The following FIZ1 variants were observed in gnomAD, a reference collection of about 807,000 sequenced individuals.
The protein encoded by FIZ1 is flt3-interacting zinc finger protein 1.
A neutral mutation model predicts 5.3 loss-of-function variants in FIZ1; 2 were observed. The observed-to-expected ratio is 0.37, with a 90% CI of 0.15 to 1.18. The LOEUF is 1.18. FIZ1 is among the 50% of genes most tolerant of loss of function. The pLI is 0.37. For missense variants in FIZ1, 631 were observed against 749.7 expected, an observed-to-expected ratio of 0.84 and a Z score of 1.85; for synonymous variants, 407 against 364.2, an observed-to-expected ratio of 1.12 and a Z score of -1.34.
At chr19:55,597,118 C>T (rs1306576982) in intron 2 of FIZ1, among the ~76,000 whole-genome samples, 1 of 152,214 alleles carries the variant, frequency 6.6e-6, no homozygotes, top group Non-Finnish European at 1.5e-5. Flanking sequence ...TTGCTTTTGC[C>T]TTGGCAACAC....
Position 55,597,569 on chromosome 19 carries a change from C to A in FIZ1, c.294+3G>T. 6.2e-7 allele frequency: 1 copy of A among 1,609,230 alleles called. No individual in the cohort carries two copies. Among genetic ancestry groups the A allele is most frequent in the Non-Finnish European group, 8.5e-7 (1 of 1,178,824 alleles). Reference sequence around the variant, plus strand: ...CAGCCTAGGGCCGGCCTGTGGGACTCACCTGGTGGTGCAGCAGGCCGGTGG... The same window carrying A: ...CAGCCTAGGGCCGGCCTGTGGGACTAACCTGGTGGTGCAGCAGGCCGGTGG... On this transcript the variant is annotated splice_donor_region_variant and intron_variant, in intron 2 of 2. Coordinates refer to ENST00000221665, the MANE Select transcript of FIZ1 (RefSeq NM_032836.3).
rs1402680092 is a variant in FIZ1, at chr19:55,592,918, C to T, written c.1023G>A (p.Ser341=). The change falls in exon 3 of 3, where the codon TCG becomes TCA. Residue 341 remains serine, a synonymous_variant. Coordinates refer to ENST00000221665, the MANE Select transcript of FIZ1 (RefSeq NM_032836.3). This position sits in a 1 kb window ranked among gnomAD's most constrained non-coding sequence, Gnocchi z 6.9. The stretch of plus-strand genomic sequence containing the variant: ...CCAGGTGACTGGCCAGGGCCGCGGC[C>T]GACGCAAAGAAGGTCCCGCAGTCGC... ...YQCDCGTFFA[S]AAALASHLEA... is the part of the protein sequence containing the mutation. 1.9e-6 allele frequency: 3 copies of T among 1,549,832 alleles called. No homozygotes were observed. The highest frequency in any genetic ancestry group is 2.6e-6 in the Non-Finnish European group (3 of 1,155,904).
intron 2 of FIZ1, 65 bp downstream of exon 2, chr19:55,597,507 G>GGGC: frequency 1.3e-6 from 2 of 1,538,438 alleles, no homozygotes; most frequent in Non-Finnish European, 1.7e-6. Context: ...GAGTACAGTG[G>GGGC]GGCGCGGGAT....
intron 2 of FIZ1, among the ~76,000 whole-genome samples, chr19:55,595,164 G>T (rs762722926): frequency 6.6e-6 from 1 of 152,208 alleles, no homozygotes; most frequent in Non-Finnish European, 1.5e-5. Flanking sequence ...CCTGTGAGGA[G>T]AAGGGTGAGG....
rs1349034209 is a variant in FIZ1, at chr19:55,593,895, C to T, written c.295-249G>A. Among the ~76,000 whole-genome samples the T allele has an allele frequency of 1.3e-5, 2 of 151,590 alleles. No homozygotes were observed. Among genetic ancestry groups the T allele is most frequent in the African/African-American group, 2.4e-5 (1 of 41,192 alleles). ...TCCCAGCACTCTGGGATTGCATAAG[C>T]CTAGGTGTTTGAGACCAGCCCAGGC... On this transcript the variant is annotated intron_variant, in intron 2 of 2. Transcript: ENST00000221665. The surrounding 1 kb of genome is among the most constrained non-coding windows in gnomAD (Gnocchi z 6.3).
At chr19:55,597,499 G>A in intron 2 of FIZ1, 73 bp downstream of exon 2, 1 of 1,523,994 alleles carries the variant, frequency 6.6e-7, no homozygotes, top group South Asian at 1.2e-5. Context: ...TTTGCCCAGA[G>A]TACAGTGGGG....
rs1157160969 is a variant in FIZ1, at chr19:55,592,719, C to G, written c.1222G>C (p.Gly408Arg). 2 of 1,612,302 alleles carry G rather than the reference C, an allele frequency of 1.2e-6. No individual in the cohort carries two copies. The highest frequency in any genetic ancestry group is 1.7e-6 in the Non-Finnish European group (2 of 1,179,712). ...CAGCCGAAGATCTTCTTGCCGCGGC[C>G]GGAGCCAGACGGGGGTTCCCCGGAC... ...PASGEPPSGS[G>R]RGKKIFGCSE... The change falls in exon 3 of 3, where the codon GGC becomes CGC. Residue 408 changes from glycine (G) to arginine (R), a missense_variant. Around this residue, in one of 4 missense-constraint regions of FIZ1, gnomAD observed 463 missense variants for 455.1 expected, o/e 1.02. Transcript: ENST00000221665. This position sits in a 1 kb window ranked among gnomAD's most constrained non-coding sequence, Gnocchi z 6.9.
At chr19:55,596,272 C>G (rs368288176) in intron 2 of FIZ1, among the ~76,000 whole-genome samples, 1 of 152,048 alleles carries the variant, frequency 6.6e-6, no homozygotes, top group African/African-American at 2.4e-5. Context: ...CTGAGAAAGC[C>G]GGGGCCAACA....
chr19:55,593,374 C>T lies in FIZ1; in HGVS notation c.567G>A (p.Ala189=), dbSNP rs1361360714. Reference sequence around the variant, plus strand: ...GCAAGGAGGCCGCGGCCGCAGCTGCCGCCTCTGCCAGCCCCCAGCTGCCCA... The same window carrying T: ...GCAAGGAGGCCGCGGCCGCAGCTGCTGCCTCTGCCAGCCCCCAGCTGCCCA... The part of the protein sequence containing the change: ...AGLGSWGLAE[A]AAAAAASLPP... The change falls in exon 3 of 3, where the codon GCG becomes GCA. Residue 189 remains alanine (A), a synonymous_variant. Coordinates refer to ENST00000221665, the MANE Select transcript of FIZ1 (RefSeq NM_032836.3). The surrounding 1 kb of genome is among the most constrained non-coding windows in gnomAD (Gnocchi z 6.3). 5.1e-6 allele frequency: 7 copies of T among 1,371,372 alleles called. No individual in the cohort carries two copies. Among genetic ancestry groups the T allele is most frequent in the South Asian group, 3.4e-5 (2 of 59,516 alleles). The allele number at this position is 1,371,372 out of a possible 1,614,324, so 85.0% of individuals were successfully genotyped here. A position where few individuals can be genotyped will look rare whatever the true frequency, so the allele number is the denominator to read the frequency against.
chr19:55,598,134 G>C, intron 1 of FIZ1: 1 of 550,754 alleles, frequency 1.8e-6, no homozygotes, highest in South Asian at 2.5e-5. Flanking sequence ...CTCACTCCAC[G>C]GAGTGTTTTT....
chr19:55,593,102 G>C lies in FIZ1; in HGVS notation c.839C>G (p.Ala280Gly). 7.6e-7 allele frequency: 1 copy of C among 1,307,192 alleles called. No homozygotes were observed. The highest frequency in any genetic ancestry group is 9.7e-7 in the Non-Finnish European group (1 of 1,030,542). The allele number at this position is 1,307,192 out of a possible 1,614,324, so 81.0% of individuals were successfully genotyped here. A position where few individuals can be genotyped will look rare whatever the true frequency, so the allele number is the denominator to read the frequency against. Residue 280 changes from alanine to glycine, a missense_variant, in exon 3 of 3, where the codon GCG (alanine) becomes GGG (glycine). This residue lies in a region of FIZ1 where 463 missense variants were observed against 455.1 expected (regional missense o/e 1.02). Transcript: ENST00000221665. The surrounding 1 kb of genome is among the most constrained non-coding windows in gnomAD (Gnocchi z 6.3). ...AGCCAGAGGAGCGTCGCCCGCCTCCGCAGCGGTGCCTTCGCCCGCCGTCTC... is the reference window on the plus strand; with the variant it reads ...AGCCAGAGGAGCGTCGCCCGCCTCCCCAGCGGTGCCTTCGCCCGCCGTCTC... ...GPETAGEGTA[A>G]EAGDAPLASD... is the part of the protein sequence containing the mutation.
chr19:55,593,179 G>A lies in FIZ1; in HGVS notation c.762C>T (p.Gly254=), dbSNP rs1293293724. The A allele has an allele frequency of 3.4e-6, 4 of 1,173,352 alleles. No individual in the cohort carries two copies. The African/African-American group carries it at 6.6e-5, about 19-fold the overall frequency. The allele number at this position is 1,173,352 out of a possible 1,614,324, so 72.7% of individuals were successfully genotyped here. A position where few individuals can be genotyped will look rare whatever the true frequency, so the allele number is the denominator to read the frequency against. Residue 254 remains glycine (G), a synonymous_variant, in exon 3 of 3, where the codon GGC becomes GGT. Transcript: ENST00000221665. The surrounding 1 kb of genome is among the most constrained non-coding windows in gnomAD (Gnocchi z 6.3). ...ERHKLTHDLQ[G]PGAPPAQAWA... is the part of the protein sequence containing the mutation. ...AGGCCTGCGCTGGGGGCGCGCCCGG[G>A]CCCTGCAGGTCGTGCGTCAGCTTGT...
rs767993193 is a variant in FIZ1, at chr19:55,592,747, C to T, written c.1194G>A (p.Pro398=). 6.8e-6 allele frequency: 11 copies of T among 1,608,852 alleles called. No homozygotes were observed. The highest frequency in any genetic ancestry group is 9.3e-6 in the Non-Finnish European group (11 of 1,178,352). ...AGCCAGACGGGGGTTCCCCGGACGC[C>T]GGTTCCCTTTCCCGGGCGGCGGTCG... ...EAATAARERE[P]ASGEPPSGSG... is the part of the protein sequence containing the mutation. The change falls in exon 3 of 3, where the codon CCG becomes CCA. Residue 398 remains proline, a synonymous_variant. Coordinates refer to ENST00000221665, the MANE Select transcript of FIZ1 (RefSeq NM_032836.3). The surrounding 1 kb of genome is among the most constrained non-coding windows in gnomAD (Gnocchi z 6.9).
intron 1 of FIZ1, chr19:55,598,297 C>G (rs77633780): frequency 1.1e-5 from 2 of 180,220 alleles, no homozygotes; most frequent in Admixed American, 1.1e-4. Context: ...TTTGCCAAGC[C>G]CTTTTCCTTC....
intron 2 of FIZ1, among the ~76,000 whole-genome samples, chr19:55,594,030 G>A (rs915419730): frequency 4.0e-5 from 6 of 151,754 alleles, no homozygotes; most frequent in African/African-American, 1.2e-4. Context: ...TGAGGCTGCA[G>A]TAAGCCGTGA....
In FIZ1 at chr19:55,592,477, G is replaced by A; in HGVS notation, c.1464C>T (p.His488=). 1 of 1,584,096 alleles carries A rather than the reference G, an allele frequency of 6.3e-7. No homozygotes were observed. The highest frequency in any genetic ancestry group is 8.6e-7 in the Non-Finnish European group (1 of 1,165,462). ...GFITLSNLSR[H]LKLHRGMD is the part of the protein sequence containing the mutation. ...AGTCCATGCCCCGGTGCAGCTTCAG[G>A]TGCCTGGAGAGGTTGCTGAGCGTGA... The change falls in exon 3 of 3, where the codon CAC becomes CAT. Residue 488 remains histidine (H), a synonymous_variant. Coordinates refer to ENST00000221665, the MANE Select transcript of FIZ1 (RefSeq NM_032836.3). This position sits in a 1 kb window ranked among gnomAD's most constrained non-coding sequence, Gnocchi z 6.9.
rs1980143384 is a variant in FIZ1 at position 55,593,350 on chromosome 19, C to A, written c.591G>T (p.Leu197Phe). 1 of 1,341,050 alleles carries A rather than the reference C, an allele frequency of 7.5e-7. No homozygotes were observed. The highest frequency in any genetic ancestry group is 9.5e-7 in the Non-Finnish European group (1 of 1,053,162). The allele number at this position is 1,341,050 out of a possible 1,614,324, so 83.1% of individuals were successfully genotyped here. The change falls in exon 3 of 3, where the codon TTG becomes TTT. Residue 197 changes from leucine (L) to phenylalanine (F), a missense_variant. This residue lies in a region of FIZ1 where 463 missense variants were observed against 455.1 expected (regional missense o/e 1.02). Transcript: ENST00000221665. This position sits in a 1 kb window ranked among gnomAD's most constrained non-coding sequence, Gnocchi z 6.3. ...CGCAGGCGCCGCACGCAAATGGGGG[C>A]AAGGAGGCCGCGGCCGCAGCTGCCG... ...AEAAAAAAAS[L>F]PPFACGACAR...
intron 2 of FIZ1, among the ~76,000 whole-genome samples, chr19:55,596,475 C>T (rs916566875): frequency 2.0e-5 from 3 of 152,112 alleles, no homozygotes; most frequent in African/African-American, 7.2e-5. Flanking sequence ...AGTCTCCCAT[C>T]GCTTCCTGGA....
At chr19:55,595,527 T>C (rs985921785) in intron 2 of FIZ1, 1 of 152,250 alleles carries the variant, frequency 6.6e-6, no homozygotes, top group Non-Finnish European at 1.5e-5. Flanking sequence ...CTATGGCTCA[T>C]AGCACACTTA....
Sources: gnomAD v4.1 joint callset for allele counts (sites outside exome capture counted in the v4.1 genomes callset) on GRCh38, gnomAD v4.1.1 for gene constraint, gnomAD v4.1.1 regional missense constraint, Gnocchi (gnomAD v3.1) non-coding constraint, MANE v1.5 for transcripts, NCBI Gene and HGNC (gene_info 2026-07-23, HGNC 2026-07-21) for gene names.